Variants in ARIH1 observed in about 807,000 individuals in gnomAD.
ARIH1 encodes the protein E3 ubiquitin-protein ligase ARIH1.
Under a neutral mutation model 85.0 loss-of-function variants are expected in ARIH1, and 8 were observed. The ratio of observed to expected loss-of-function variants is 0.09; its 90% CI spans 0.06 to 0.17. ARIH1 has a LOEUF of 0.17. Ranked by LOEUF, ARIH1 falls within the 10% of genes least tolerant of loss-of-function variation. The pLI, the probability that ARIH1 is intolerant of heterozygous loss-of-function variation, is 1.00. For missense variants in ARIH1, 311 were observed against 718.1 expected (o/e 0.43, Z 6.48); for synonymous variants, 238 against 253.6 (o/e 0.94, Z 0.59).
At chr15:72,490,387 G>A (rs1243276841) in intron 1 of ARIH1, among the ~76,000 whole-genome samples, 1 of 152,146 alleles carries the variant, frequency 6.6e-6, no homozygotes. Context: ...GTTACCACCT[G>A]AGCTCTGCCT....
chr15:72,576,499 C>CT, intron 11 of ARIH1, among the ~76,000 whole-genome samples: 1 of 86,092 alleles, frequency 1.2e-5, no homozygotes, highest in Non-Finnish European at 2.1e-5. Context: ...GAGCAAGACT[C>CT]TGTCTCAAAA....
Position 72,589,231 on chromosome 15 carries a change from A to T in ARIH1, c.*5939A>T, listed in dbSNP as rs748516139. 1 of 152,176 alleles carries T rather than the reference A, an allele frequency of 6.6e-6. No homozygotes were observed. The highest frequency in any genetic ancestry group is 1.5e-5 in the Non-Finnish European group (1 of 68,038). The allele number at this position is 152,176 out of a possible 1,614,324, so 9.4% of individuals were successfully genotyped here. ...CTACTAACTTACTCAAAAGTTACACATTGAGTGTATAACAGGGCCATGCTT... is the reference window on the plus strand; with the variant it reads ...CTACTAACTTACTCAAAAGTTACACTTTGAGTGTATAACAGGGCCATGCTT... On this transcript the variant is annotated 3_prime_UTR_variant, in exon 14 of 14. Coordinates refer to ENST00000379887, the MANE Select transcript of ARIH1 (RefSeq NM_005744.5).
At chr15:72,572,067 A>G in intron 10 of ARIH1, 41 bp from the exon 11 acceptor site, 1 of 1,234,142 alleles carries the variant, frequency 8.1e-7, no homozygotes, top group Non-Finnish European at 1.1e-6. Context: ...CTTTTCATTG[A>G]TTTTTTTTTT....
At position 72,533,578 on chromosome 15, in the gene ARIH1, G is replaced by T. The variant is rs553965392; in HGVS notation, c.444-11242G>T. On this transcript the variant is annotated intron_variant, in intron 2 of 13. Coordinates refer to ENST00000379887, the MANE Select transcript of ARIH1 (RefSeq NM_005744.5). Reference sequence around the variant, plus strand: ...CTTTTTTCTTTGACCCAATAATTCCGCTCTCAGGTATATATCCAATAGAAA... The same window carrying T: ...CTTTTTTCTTTGACCCAATAATTCCTCTCTCAGGTATATATCCAATAGAAA... Among the ~76,000 whole-genome samples the T allele has an allele frequency of 3.1e-4, 47 of 152,138 alleles. 1 individual carries two copies. In the South Asian group the frequency reaches 9.3e-3, roughly 30 times the overall value.
At chr15:72,501,490 G>T (rs989007004) in intron 1 of ARIH1, among the ~76,000 whole-genome samples, 1 of 152,146 alleles carries the variant, frequency 6.6e-6, no homozygotes, top group Non-Finnish European at 1.5e-5. Flanking sequence ...GAAAGTACTG[G>T]TTCAAATGCT....
chr15:72,587,206 C>T lies in ARIH1; in HGVS notation c.*3914C>T. 1.9e-6 allele frequency: 1 copy of T among 519,812 alleles called. No homozygotes were observed. Among genetic ancestry groups the T allele is most frequent in the South Asian group, 1.4e-5 (1 of 69,778 alleles). 32.2% of individuals were successfully genotyped at this position (519,812 alleles called of 1,614,324 possible). A position where few individuals can be genotyped will look rare whatever the true frequency, so the allele number is the denominator to read the frequency against. ...AATAACTCCCTCAATTTTTCATTTC[C>T]TTCTACCTGAAACTTAACATCATGC... is the stretch of plus-strand genomic sequence containing the variant. On this transcript the variant is annotated 3_prime_UTR_variant, in exon 14 of 14. Transcript: ENST00000379887.
chr15:72,503,368 GTATTTA>G, intron 1 of ARIH1, among the ~76,000 whole-genome samples: 1 of 152,296 alleles, frequency 6.6e-6, no homozygotes, highest in East Asian at 1.9e-4. Flanking sequence ...CCCTAGCTGG[GTATTTA>G]GAGGCAGTTG....
At chr15:72,503,232 TGAA>T (rs1226932629) in intron 1 of ARIH1, among the ~76,000 whole-genome samples, 1 of 152,252 alleles carries the variant, frequency 6.6e-6, no homozygotes, top group Non-Finnish European at 1.5e-5. Context: ...GTCTGGGTCA[TGAA>T]GAAGTGAGAT....
intron 7 of ARIH1, 130 bp downstream of exon 7, chr15:72,563,630 A>G: frequency 5.6e-6 from 4 of 714,630 alleles, no homozygotes; most frequent in Non-Finnish European, 9.4e-6. Flanking sequence ...CTGGTTTAAA[A>G]TAGTATATAT....
chr15:72,475,255 C>A, intron 1 of ARIH1: 1 of 824,492 alleles, frequency 1.2e-6, no homozygotes. Context: ...ATGGCGGAGG[C>A]CTTCGGTCGC....
rs554468414 is a variant in ARIH1 at position 72,480,712 on chromosome 15, A to G, written c.375+5698A>G. ...CCTGAGTAGCTAGGATTACAGGCGTATGCCACCACGCCTGGCTAATTTTGT... is the reference window on the plus strand; with the variant it reads ...CCTGAGTAGCTAGGATTACAGGCGTGTGCCACCACGCCTGGCTAATTTTGT... On this transcript the variant is annotated intron_variant, in intron 1 of 13. Coordinates refer to ENST00000379887, the MANE Select transcript of ARIH1 (RefSeq NM_005744.5). Among the ~76,000 whole-genome samples the G allele has an allele frequency of 4.3e-4, 65 of 152,044 alleles. 1 individual carries two copies. Among genetic ancestry groups the G allele is most frequent in the African/African-American group, 1.5e-3 (63 of 41,486 alleles).
chr15:72,567,500 C>G (rs562270704), intron 9 of ARIH1, among the ~76,000 whole-genome samples: 1 of 152,328 alleles, frequency 6.6e-6, no homozygotes, highest in South Asian at 2.1e-4. Context: ...ATTTAGTATA[C>G]AAATGCATTG....
intron 1 of ARIH1, among the ~76,000 whole-genome samples, chr15:72,483,826 C>T (rs1456696570): frequency 6.8e-6 from 1 of 148,130 alleles, no homozygotes; most frequent in Non-Finnish European, 1.5e-5. Context: ...ACTCTAGCTA[C>T]GTAATGGAAT....
At chr15:72,486,648 A>C in intron 1 of ARIH1, among the ~76,000 whole-genome samples, 1 of 148,084 alleles carries the variant, frequency 6.8e-6, no homozygotes, top group Non-Finnish European at 1.5e-5. Flanking sequence ...CTGGCAAATC[A>C]GCTTTCCAGA....
intron 1 of ARIH1, among the ~76,000 whole-genome samples, chr15:72,486,273 G>A (rs533751789): frequency 1.3e-5 from 2 of 152,254 alleles, no homozygotes; most frequent in African/African-American, 2.4e-5. Flanking sequence ...CAATTTGTAA[G>A]TTTTAAATTG....
chr15:72,573,780 C>T (rs1476519948), intron 11 of ARIH1, among the ~76,000 whole-genome samples: 1 of 151,916 alleles, frequency 6.6e-6, no homozygotes, highest in East Asian at 1.9e-4. Flanking sequence ...ACCAAGAGAG[C>T]CACAAAATCA....
intron 3 of ARIH1, 126 bp downstream of exon 3, chr15:72,545,090 ATGTATTCAG>A (rs1487120200): frequency 1.4e-5 from 11 of 789,212 alleles, no homozygotes; most frequent in Non-Finnish European, 1.8e-5. Flanking sequence ...TAACCTATCA[ATGTATTCAG>A]TGTGAGGAAA....
intron 1 of ARIH1, among the ~76,000 whole-genome samples, chr15:72,512,385 G>C (rs2140407663): frequency 6.6e-6 from 1 of 152,090 alleles, no homozygotes; most frequent in South Asian, 2.1e-4. Flanking sequence ...TCTTTAAGAA[G>C]TTGGCCTGTT....
At chr15:72,545,752 C>G (rs372133335) in intron 3 of ARIH1, among the ~76,000 whole-genome samples, 1 of 152,224 alleles carries the variant, frequency 6.6e-6, no homozygotes, top group Non-Finnish European at 1.5e-5. Context: ...TTGCTTGAGC[C>G]TGGAAGGCAG....
Sources: allele counts gnomAD v4.1 joint callset (sites outside exome capture counted in the v4.1 genomes callset), GRCh38; gene constraint gnomAD v4.1.1; transcripts MANE v1.5; gene names NCBI Gene and HGNC (gene_info 2026-07-23, HGNC 2026-07-21).